PRC1: variants seen among roughly 807,000 people sequenced by gnomAD.
PRC1 encodes protein regulator of cytokinesis 1, also known as anaphase spindle elongation 1 homolog.
In PRC1, 54 loss-of-function variants were observed where a neutral mutation model predicts 91.2. The observed-to-expected ratio is 0.59, with a 90% confidence interval of 0.48 to 0.74. The LOEUF is 0.74. Among genes scored for constraint, PRC1 ranks in the 30% least tolerant of loss-of-function variants. The pLI is 0.00. For missense variants in PRC1, 727 were observed against 746.2 expected, an observed-to-expected ratio of 0.97 and a Z score of 0.30; for synonymous variants, 275 against 263.6, an observed-to-expected ratio of 1.04 and a Z score of -0.42.
chr15:90,974,088 C>G lies in PRC1; in HGVS notation c.1461+48G>C. ...CCTTCAAAGAGGTGGCTGGGACTAC[C>G]CTCACCCACTCCCTTGAAATCAGTG... On this transcript the variant is annotated intron_variant, in intron 11 of 14. Coordinates refer to ENST00000394249, the MANE Select transcript of PRC1 (RefSeq NM_003981.4). This position sits in a 1 kb window ranked among gnomAD's most constrained non-coding sequence, Gnocchi z 4.6. 2 of 1,534,564 alleles carry G rather than the reference C, an allele frequency of 1.3e-6. No individual in the cohort carries two copies. The highest frequency in any genetic ancestry group is 2.2e-5 in the South Asian group (2 of 89,214).
At chr15:90,982,361 C>A (rs1166963591) in intron 3 of PRC1, among the ~76,000 whole-genome samples, 1 of 152,154 alleles carries the variant, frequency 6.6e-6, no homozygotes, top group African/African-American at 2.4e-5. Context: ...ACAAATAAGT[C>A]CCCATTTTTT....
intron 1 of PRC1, chr15:90,987,938 C>T (rs2039705201): frequency 6.6e-6 from 1 of 152,192 alleles, no homozygotes; most frequent in South Asian, 2.1e-4. Context: ...GTTGAAGAAA[C>T]ATTTCTACAC....
intron 11 of PRC1, among the ~76,000 whole-genome samples, chr15:90,971,266 CTTA>C (rs1253137705): frequency 6.6e-6 from 1 of 152,104 alleles, no homozygotes; most frequent in African/African-American, 2.4e-5. Flanking sequence ...TATGTCAAAA[CTTA>C]TTATATGCTA....
intron 11 of PRC1, among the ~76,000 whole-genome samples, chr15:90,972,685 G>A (rs2038262695): frequency 1.3e-5 from 2 of 151,762 alleles, no homozygotes; most frequent in Non-Finnish European, 2.9e-5. Context: ...GCTGTAGTGA[G>A]CTGAGATCAC....
Position 90,984,821 on chromosome 15 carries a change from C to T in PRC1, c.16G>A (p.Val6Met), listed in dbSNP as rs1293570985. 1.2e-6 allele frequency: 2 copies of T among 1,613,996 alleles called. No individual in the cohort carries two copies. Among genetic ancestry groups the T allele is most frequent in the South Asian group, 1.1e-5 (1 of 91,082 alleles). MRRSEVLAEESIVCLQ... is the reference protein window; with the variant it reads MRRSEMLAEESIVCLQ... ...CATACTATGGACTCCTCCGCCAGCA[C>T]CTCACTGAAAACCAAAAACTAAGGC... Residue 6 changes from valine (V) to methionine (M), a missense_variant, in exon 2 of 15, where the codon GTG becomes ATG. Physicochemically the swap from Val to Met is conservative, Grantham distance 21 (BLOSUM62 1). Coordinates refer to ENST00000394249, the MANE Select transcript of PRC1 (RefSeq NM_003981.4). This position sits in a 1 kb window ranked among gnomAD's most constrained non-coding sequence, Gnocchi z 5.1.
intron 9 of PRC1, among the ~76,000 whole-genome samples, 164 bp downstream of exon 9, chr15:90,976,511 GA>G (rs1156979687): frequency 6.6e-6 from 1 of 152,060 alleles, no homozygotes; most frequent in Non-Finnish European, 1.5e-5. Context: ...CCTAGCAAAC[GA>G]ATACACCTTG....
In PRC1 at chr15:90,983,442, C is replaced by T. The variant is rs1311543483; in HGVS notation, c.267+576G>A. Among the ~76,000 whole-genome samples the T allele has an allele frequency of 2.6e-5, 4 of 152,210 alleles. No individual in the cohort carries two copies. The South Asian group carries it at 8.3e-4, about 31-fold the overall frequency. Reference sequence around the variant, plus strand: ...ATCCTTGCTGTGTCCTCACTCAAGTCCCTGACTTGCAGTGGACCACAATAT... The same window carrying T: ...ATCCTTGCTGTGTCCTCACTCAAGTTCCTGACTTGCAGTGGACCACAATAT... On this transcript the variant is annotated intron_variant, in intron 3 of 14. Coordinates refer to ENST00000394249, the MANE Select transcript of PRC1 (RefSeq NM_003981.4).
Position 90,981,981 on chromosome 15 carries a change from C to G in PRC1, c.268G>C (p.Glu90Gln), listed in dbSNP as rs747426369. The change falls in exon 4 of 15, where the codon GAA becomes CAA. Residue 90 changes from glutamate to glutamine, a missense_variant and splice_region_variant. Physicochemically the swap from Glu to Gln is conservative, Grantham distance 29. Transcript: ENST00000394249. ...CSELHVEPFQ[E>Q]EGETTILQLE... ...TGCAAGATGGTCGTCTCTCCTTCTTCCTGAATAAGACAACGTACCACTGTT... is the reference window on the plus strand; with the variant it reads ...TGCAAGATGGTCGTCTCTCCTTCTTGCTGAATAAGACAACGTACCACTGTT... 1 of 1,612,150 alleles carries G rather than the reference C, an allele frequency of 6.2e-7. No homozygotes were observed. Among genetic ancestry groups the G allele is most frequent in the Non-Finnish European group, 8.5e-7 (1 of 1,178,488 alleles).
At position 90,981,972 on chromosome 15, in the gene PRC1, C is replaced by T; in HGVS notation, c.277G>A (p.Glu93Lys). ...LHVEPFQEEG[E>K]TTILQLEKDL... ...TTTTCTAGTTGCAAGATGGTCGTCT[C>T]TCCTTCTTCCTGAATAAGACAACGT... The change falls in exon 4 of 15, where the codon GAG (glutamate) becomes AAG (lysine). Residue 93 changes from glutamate (E) to lysine (K), a missense_variant. Physicochemically the swap from Glu to Lys is moderately conservative, Grantham distance 56. Coordinates refer to ENST00000394249, the MANE Select transcript of PRC1 (RefSeq NM_003981.4). 2 of 1,613,508 alleles carry T rather than the reference C, an allele frequency of 1.2e-6. No individual in the cohort carries two copies. Among genetic ancestry groups the T allele is most frequent in the Non-Finnish European group, 1.7e-6 (2 of 1,179,622 alleles).
intron 14 of PRC1, 55 bp downstream of exon 14, chr15:90,969,024 C>G (rs1216525047): frequency 6.2e-7 from 1 of 1,613,116 alleles, no homozygotes; most frequent in Non-Finnish European, 8.5e-7. Context: ...ATGAATGAAG[C>G]CAGCAGATGA....
intron 11 of PRC1, among the ~76,000 whole-genome samples, chr15:90,971,624 G>GC (rs2038139859): frequency 6.6e-6 from 1 of 151,264 alleles, no homozygotes; most frequent in Non-Finnish European, 1.5e-5. Flanking sequence ...ATTCTAGGGG[G>GC]CCGGGCACGG....
At chr15:90,993,611 G>T (rs924077552) in intron 1 of PRC1, among the ~76,000 whole-genome samples, 1 of 152,150 alleles carries the variant, frequency 6.6e-6, no homozygotes, top group Non-Finnish European at 1.5e-5. Context: ...CACAAGGTTG[G>T]TAAGTGGCAG....
chr15:90,994,512 C>T lies in PRC1; in HGVS notation c.-95G>A. 3.5e-6 allele frequency: 5 copies of T among 1,445,962 alleles called. No individual in the cohort carries two copies. The highest frequency in any genetic ancestry group is 2.2e-5 in the Admixed American group (1 of 44,600). The allele number at this position is 1,445,962 out of a possible 1,614,324, so 89.6% of individuals were successfully genotyped here. A position where few individuals can be genotyped will look rare whatever the true frequency, so the allele number is the denominator to read the frequency against. On this transcript the variant is annotated 5_prime_UTR_variant, in exon 1 of 15. Coordinates refer to ENST00000394249, the MANE Select transcript of PRC1 (RefSeq NM_003981.4). ...CCCGCAAACACCGGCGATGTCACTCCGCGTAGCCGCTCCGCGAGCCGTTGA... is the reference window on the plus strand; with the variant it reads ...CCCGCAAACACCGGCGATGTCACTCTGCGTAGCCGCTCCGCGAGCCGTTGA...
In PRC1 at chr15:90,974,881, G is replaced by GACC. The variant is rs2038536096; in HGVS notation, c.1204-153_1204-151dup. Reference sequence around the variant, plus strand: ...GGCCCACATGGGTACAGGTCAGAGTGACCAGAAATCAAAGCCCGGAGACAT... The same window carrying GACC: ...GGCCCACATGGGTACAGGTCAGAGTGACCACCAGAAATCAAAGCCCGGAGACAT... On this transcript the variant is annotated intron_variant, in intron 9 of 14. Coordinates refer to ENST00000394249, the MANE Select transcript of PRC1 (RefSeq NM_003981.4). The surrounding 1 kb of genome is among the most constrained non-coding windows in gnomAD (Gnocchi z 4.6). The GACC allele has an allele frequency of 2.2e-6, 2 of 893,412 alleles. No homozygotes were observed. The highest frequency in any genetic ancestry group is 4.5e-5 in the Admixed American group (2 of 44,798). 55.3% of individuals were successfully genotyped at this position (893,412 alleles called of 1,614,324 possible).
chr15:90,970,560 A>G, intron 11 of PRC1, 46 bp from the exon 12 acceptor site: 1 of 1,327,048 alleles, frequency 7.5e-7, no homozygotes, highest in East Asian at 2.3e-5. Context: ...TAACATCCTC[A>G]GCATTTCTAG....
At chr15:90,989,224 T>G (rs1466002414) in intron 1 of PRC1, among the ~76,000 whole-genome samples, 2 of 152,074 alleles carry the variant, frequency 1.3e-5, no homozygotes, top group African/African-American at 4.8e-5. Flanking sequence ...TACAGCCTCT[T>G]TGGAAAATAG....
At chr15:90,972,796 C>T (rs1298335433) in intron 11 of PRC1, 2 of 152,166 alleles carry the variant, frequency 1.3e-5, no homozygotes, top group Admixed American at 6.6e-5. Context: ...ATTACATCTT[C>T]CATTTAGTAA....
Position 90,974,822 on chromosome 15 carries a change from C to A in PRC1, c.1204-91G>T. The A allele has an allele frequency of 6.8e-7, 1 of 1,460,532 alleles. No individual in the cohort carries two copies. The highest frequency in any genetic ancestry group is 9.5e-7 in the Non-Finnish European group (1 of 1,055,696). 90.5% of individuals were successfully genotyped at this position (1,460,532 alleles called of 1,614,324 possible). ...TTTCCCTAGAGAGTGACTCCTCCTCCCCAGAGCATCATTAGCCTCATTTCA... is the reference window on the plus strand; with the variant it reads ...TTTCCCTAGAGAGTGACTCCTCCTCACCAGAGCATCATTAGCCTCATTTCA... On this transcript the variant is annotated intron_variant, in intron 9 of 14. Transcript: ENST00000394249. This position sits in a 1 kb window ranked among gnomAD's most constrained non-coding sequence, Gnocchi z 4.6.
At chr15:90,985,569 T>C (rs1460528236) in intron 1 of PRC1, among the ~76,000 whole-genome samples, 4 of 150,388 alleles carry the variant, frequency 2.7e-5, no homozygotes, top group Non-Finnish European at 5.9e-5. Context: ...ATTTTCTTTT[T>C]TTTTTTTGAG....
Sources: gnomAD v4.1 joint callset for allele counts (sites outside exome capture counted in the v4.1 genomes callset) on GRCh38, gnomAD v4.1.1 for gene constraint, Gnocchi (gnomAD v3.1) non-coding constraint, MANE v1.5 for transcripts, NCBI Gene and HGNC (gene_info 2026-07-23, HGNC 2026-07-21) for gene names.